KAZN: variants seen among roughly 807,000 people sequenced by gnomAD.
KAZN encodes kazrin.
Under a neutral mutation model 87.4 loss-of-function variants are expected in KAZN, and 40 were observed. That is an observed-to-expected ratio of 0.46 (90% confidence interval 0.36 to 0.60). KAZN has a LOEUF of 0.60. Among genes scored for constraint, KAZN ranks in the 20% least tolerant of loss-of-function variants. KAZN has a pLI of 0.00. For synonymous variants in KAZN, 466 were observed against 458.3 expected (o/e 1.02, Z -0.22); for missense variants, 898 against 1,073.9 (o/e 0.84, Z 2.29).
chr1:14,811,290 T>G (rs1646402350), intron 1 of KAZN, among the ~76,000 whole-genome samples: 1 of 152,218 alleles, frequency 6.6e-6, no homozygotes. Flanking sequence ...CAAATGTTAG[T>G]CAACTCCAAC....
intron 1 of KAZN, among the ~76,000 whole-genome samples, chr1:14,781,817 AAT>A (rs1391826043): frequency 6.6e-6 from 1 of 152,252 alleles, no homozygotes; most frequent in East Asian, 1.9e-4. Flanking sequence ...AAGCATGCTC[AAT>A]AAACGGAAGC....
At chr1:14,198,025 A>ATAGT (rs113517547) in intron 2 of KAZN, among the ~76,000 whole-genome samples, 1 of 151,914 alleles carries the variant, frequency 6.6e-6, no homozygotes, top group Non-Finnish European at 1.5e-5. Context: ...AATCATAGTA[A>ATAGT]CAGAGTAGTA....
intron 2 of KAZN, among the ~76,000 whole-genome samples, chr1:14,485,255 C>A (rs552784537): frequency 6.6e-6 from 1 of 152,210 alleles, no homozygotes; most frequent in Non-Finnish European, 1.5e-5. Flanking sequence ...CAAAGAAACA[C>A]CAAATTCTCA....
chr1:14,959,715 C>T (rs1663610304), intron 1 of KAZN, among the ~76,000 whole-genome samples: 2 of 152,164 alleles, frequency 1.3e-5, no homozygotes, highest in African/African-American at 2.4e-5. Flanking sequence ...CGTAGCCTGG[C>T]GCCTGTGCAC....
rs1573208117 is a variant in KAZN at position 15,056,023 on chromosome 1, T to G, written c.727-68T>G. 1 of 1,486,850 alleles carries G rather than the reference T, an allele frequency of 6.7e-7. No homozygotes were observed. The highest frequency in any genetic ancestry group is 1.8e-5 in the Admixed American group (1 of 56,502). The allele number at this position is 1,486,850 out of a possible 1,614,324, so 92.1% of individuals were successfully genotyped here. A position where few individuals can be genotyped will look rare whatever the true frequency, so the allele number is the denominator to read the frequency against. ...GCTTTCTCCCCATGGCGGTGGGTGGTGCCAAGCAGCTGGCCAAGAGTTCCC... is the reference window on the plus strand; with the variant it reads ...GCTTTCTCCCCATGGCGGTGGGTGGGGCCAAGCAGCTGGCCAAGAGTTCCC... On this transcript the variant is annotated intron_variant, in intron 4 of 14. Coordinates refer to ENST00000376030, the MANE Select transcript of KAZN (RefSeq NM_201628.3). This position sits in a 1 kb window ranked among gnomAD's most constrained non-coding sequence, Gnocchi z 5.4.
At chr1:14,924,106 G>A (rs1255290475) in intron 1 of KAZN, 1 of 981,756 alleles carries the variant, frequency 1.0e-6, no homozygotes, top group Non-Finnish European at 1.2e-6. Flanking sequence ...CGGAAGGAGC[G>A]GGAGGAGGAG....
intron 1 of KAZN, among the ~76,000 whole-genome samples, chr1:14,738,932 G>A (rs1292649286): frequency 1.3e-5 from 2 of 152,130 alleles, no homozygotes; most frequent in Non-Finnish European, 2.9e-5. Flanking sequence ...CAGCACGGTG[G>A]GAGGCCAAGG....
At chr1:14,499,751 C>A (rs1214089044) in intron 2 of KAZN, among the ~76,000 whole-genome samples, 1 of 152,202 alleles carries the variant, frequency 6.6e-6, no homozygotes, top group Non-Finnish European at 1.5e-5. Context: ...ACAGTCCTGG[C>A]AGTGACCCTG....
chr1:14,727,468 T>C lies in KAZN; in HGVS notation c.226+128245T>C, dbSNP rs1193093135. Among the ~76,000 whole-genome samples, 580 of 76,674 alleles carry C rather than the reference T, an allele frequency of 7.6e-3. 48 individuals are homozygous for C. Among genetic ancestry groups the C allele is most frequent in the East Asian group, 0.022 (59 of 2,700 alleles). 50.3% of individuals were successfully genotyped at this position (76,674 alleles called of 152,430 possible). A position where few individuals can be genotyped will look rare whatever the true frequency, so the allele number is the denominator to read the frequency against. On this transcript the variant is annotated intron_variant, in intron 1 of 14. Transcript: ENST00000376030. ...GCACTTTCTTTTTTTTTTTTTTTTT[T>C]TTTTTTTTTTTTTTTTTTTTTTTTT...
rs145639961 is a variant in KAZN, at chr1:14,409,989, A to G, written c.250-188994A>G. Among the ~76,000 whole-genome samples the G allele has an allele frequency of 5.3e-5, 8 of 152,350 alleles. No homozygotes were observed. The East Asian group carries it at 1.3e-3, about 26-fold the overall frequency. ...CAGCAGATTAATCAGATATGAAAAA[A>G]CAATCAGCTGGAAGATAGATATGAG... On this transcript the variant is annotated intron_variant, in intron 2 of 16. Coordinates refer to the KAZN transcript ENST00000636203.
intron 13 of KAZN, among the ~76,000 whole-genome samples, chr1:15,110,639 C>T (rs1386153162): frequency 2.6e-5 from 4 of 152,174 alleles, no homozygotes; most frequent in Non-Finnish European, 4.4e-5. Flanking sequence ...GCTCAGCACG[C>T]GGCCCAGGCC....
chr1:14,395,090 G>A lies in KAZN; in HGVS notation c.250-203893G>A, dbSNP rs141903313. 1.3e-3 allele frequency among the ~76,000 whole-genome samples: 203 copies of A among 152,282 alleles called. 1 individual carries two copies. The highest frequency in any genetic ancestry group is 4.7e-3 in the African/African-American group (195 of 41,548). ...GGGCTGAAGGATGGAAGGAGAGAGA[G>A]AGGGAGAGAATAAGGGGGAAAAGAA... On this transcript the variant is annotated intron_variant, in intron 2 of 16. Coordinates refer to the KAZN transcript ENST00000636203.
At chr1:14,595,521 T>C (rs1407132963), upstream of KAZN, among the ~76,000 whole-genome samples, 1 of 149,602 alleles carries the variant, frequency 6.7e-6, no homozygotes, top group Non-Finnish European at 1.5e-5. Flanking sequence ...CTACTAAAAA[T>C]ACAAAAAAAA....
chr1:14,922,673 T>G (rs1453355007), intron 1 of KAZN, among the ~76,000 whole-genome samples: 1 of 150,894 alleles, frequency 6.6e-6, no homozygotes, highest in Non-Finnish European at 1.5e-5. Context: ...GCACCTGTAA[T>G]CCCAGCTACT....
chr1:14,560,228 A>G (rs1674167157), intron 2 of KAZN, among the ~76,000 whole-genome samples: 1 of 152,188 alleles, frequency 6.6e-6, no homozygotes, highest in Admixed American at 6.5e-5. Context: ...AGGTGACCTC[A>G]GTAGTCCTTT....
In KAZN at chr1:14,735,279, C is replaced by G. The variant is rs1345932744; in HGVS notation, c.226+136056C>G. 1.3e-5 allele frequency among the ~76,000 whole-genome samples: 2 copies of G among 152,142 alleles called. No individual in the cohort carries two copies. Among genetic ancestry groups the G allele is most frequent in the Non-Finnish European group, 2.9e-5 (2 of 68,018 alleles). ...GTTTCACCGTGTTAGCCAGGATGGT[C>G]TCGATCTCCTGACCTCGTGATCCGC... On this transcript the variant is annotated intron_variant, in intron 1 of 14. Coordinates refer to ENST00000376030, the MANE Select transcript of KAZN (RefSeq NM_201628.3). The surrounding 1 kb of genome is among the most constrained non-coding windows in gnomAD (Gnocchi z 4.3).
intron 1 of KAZN, among the ~76,000 whole-genome samples, chr1:14,156,951 AT>A (rs1183958909): frequency 7.8e-6 from 1 of 127,752 alleles, no homozygotes; most frequent in African/African-American, 2.8e-5. Context: ...GGTGAAGGTG[AT>A]GTTTCTTTGG....
At chr1:14,901,567 G>A (rs79022404) in intron 1 of KAZN, among the ~76,000 whole-genome samples, 2,278 of 152,294 alleles carry the variant, frequency 0.015, 54 homozygotes, top group African/African-American at 0.053. Context: ...GCAGGAGGCT[G>A]CTGTGATCGT....
chr1:13,971,120 G>A (rs1642121158), intron 1 of KAZN, among the ~76,000 whole-genome samples: 1 of 152,102 alleles, frequency 6.6e-6, no homozygotes, highest in Non-Finnish European at 1.5e-5. Flanking sequence ...TCTACCTTAG[G>A]GTGGCCTTGG....
Sources: gnomAD v4.1 joint callset for allele counts (sites outside exome capture counted in the v4.1 genomes callset) on GRCh38, gnomAD v4.1.1 for gene constraint, Gnocchi (gnomAD v3.1) non-coding constraint, MANE v1.5 for transcripts, NCBI Gene and HGNC (gene_info 2026-07-23, HGNC 2026-07-21) for gene names.